ZSCAN25: variants seen among roughly 807,000 people sequenced by gnomAD.
ZSCAN25 encodes zinc finger and SCAN domain-containing protein 25.
A neutral mutation model predicts 38.7 loss-of-function variants in ZSCAN25; 27 were observed. The observed-to-expected ratio is 0.70, with a 90% CI of 0.51 to 0.96. The LOEUF is 0.96. ZSCAN25 is among the 40% of genes least tolerant of loss of function. The probability of loss-of-function intolerance (pLI) is 0.00; values close to 1 mark genes in which losing one functional copy is unlikely to be tolerated. For synonymous variants in ZSCAN25, 273 were observed against 277.7 expected, an observed-to-expected ratio of 0.98 and a Z score of 0.17; for missense variants, 637 against 705.9, an observed-to-expected ratio of 0.90 and a Z score of 1.11.
the ZSCAN25 span, chr7:99,695,639 A>G: frequency 1.1e-6 from 1 of 912,444 alleles, no homozygotes; most frequent in Non-Finnish European, 1.7e-6. Flanking sequence ...TGTTTCTGAA[A>G]GTGTAAAACC....
At chr7:99,641,718 T>TCAC in the ZSCAN25 span, among the ~76,000 whole-genome samples, 1 of 152,126 alleles carries the variant, frequency 6.6e-6, no homozygotes, top group Non-Finnish European at 1.5e-5. Context: ...AGCCTAGATG[T>TCAC]CACTCTCTTA....
the ZSCAN25 span, among the ~76,000 whole-genome samples, chr7:99,694,875 TCACAGTC>T: frequency 8.5e-5 from 13 of 152,158 alleles, no homozygotes; most frequent in Middle Eastern, 3.2e-3. Flanking sequence ...CGACCAAAGT[TCACAGTC>T]CATGTGGCAC....
At chr7:99,732,866 A>C in the ZSCAN25 span, among the ~76,000 whole-genome samples, 1 of 152,144 alleles carries the variant, frequency 6.6e-6, no homozygotes, top group African/African-American at 2.4e-5. Context: ...CAAAAGATGG[A>C]GTATTCCACA....
the ZSCAN25 span, chr7:99,731,121 T>G: frequency 6.2e-7 from 1 of 1,613,834 alleles, no homozygotes; most frequent in African/African-American, 1.3e-5. Context: ...ATTCCAAGCT[T>G]CTTAAAAAGT....
chr7:99,677,256 G>A, the ZSCAN25 span: 1 of 985,268 alleles, frequency 1.0e-6, no homozygotes. Context: ...AAGAAGAGAG[G>A]CTGAAGGAAG....
At chr7:99,715,567 C>T in the ZSCAN25 span, 3 of 987,992 alleles carry the variant, frequency 3.0e-6, no homozygotes, top group Non-Finnish European at 4.4e-6. Flanking sequence ...GATAGCTAAA[C>T]ATGTATGAGG....
chr7:99,663,647 A>G, the ZSCAN25 span: 1 of 1,015,048 alleles, frequency 9.9e-7, no homozygotes, highest in East Asian at 1.0e-4. Flanking sequence ...CAATACCAGT[A>G]AAATATATTT....
the ZSCAN25 span, chr7:99,674,577 C>T: frequency 6.2e-7 from 1 of 1,613,474 alleles, no homozygotes; most frequent in Non-Finnish European, 8.5e-7. Flanking sequence ...TGTCAAATTT[C>T]CAGAGACCCT....
At chr7:99,663,208 C>G in the ZSCAN25 span, 21 of 1,088,486 alleles carry the variant, frequency 1.9e-5, no homozygotes, top group Non-Finnish European at 2.2e-5. Context: ...ACTGCTTACC[C>G]AGGAAGAAGT....
the ZSCAN25 span, chr7:99,663,757 G>A: frequency 6.4e-4 from 780 of 1,224,314 alleles, 4 homozygotes; most frequent in African/African-American, 0.012. Flanking sequence ...TAATTGTTGT[G>A]CCTGATTTCA....
chr7:99,709,472 G>A, the ZSCAN25 span, among the ~76,000 whole-genome samples: 1 of 152,264 alleles, frequency 6.6e-6, no homozygotes, highest in East Asian at 1.9e-4. Context: ...GAAAGCAGGA[G>A]ACATTCGGGA....
chr7:99,716,160 A>G, the ZSCAN25 span, among the ~76,000 whole-genome samples: 2 of 152,198 alleles, frequency 1.3e-5, no homozygotes, highest in African/African-American at 2.4e-5. Flanking sequence ...CAAGGAGCCT[A>G]GTCATAGAAA....
the ZSCAN25 span, among the ~76,000 whole-genome samples, chr7:99,681,202 C>G: frequency 6.6e-6 from 1 of 152,206 alleles, no homozygotes; most frequent in Non-Finnish European, 1.5e-5. Flanking sequence ...ATCCATTCAT[C>G]TGTTGATGGA....
At chr7:99,708,267 T>C in the ZSCAN25 span, among the ~76,000 whole-genome samples, 30 of 152,196 alleles carry the variant, frequency 2.0e-4, no homozygotes, top group East Asian at 5.6e-3. Context: ...GGTGATGTGT[T>C]CACACTACAA....
At chr7:99,705,026 A>AG in the ZSCAN25 span, 1 of 160,896 alleles carries the variant, frequency 6.2e-6, no homozygotes, top group African/African-American at 2.4e-5. Context: ...TGTGCAGGAA[A>AG]CATCCAATAA....
At chr7:99,698,282 A>G in the ZSCAN25 span, among the ~76,000 whole-genome samples, 1 of 152,196 alleles carries the variant, frequency 6.6e-6, no homozygotes, top group Non-Finnish European at 1.5e-5. Flanking sequence ...AACATGGCAG[A>G]CCACGCACAC....
chr7:99,622,486 C>T lies in ZSCAN25; in HGVS notation c.590-63C>T, dbSNP rs902862082. 2.2e-5 allele frequency: 33 copies of T among 1,499,048 alleles called. No individual in the cohort carries two copies. In the Admixed American group the frequency reaches 2.3e-4, roughly 11 times the overall value. 92.9% of individuals were successfully genotyped at this position (1,499,048 alleles called of 1,614,324 possible). A position where few individuals can be genotyped will look rare whatever the true frequency, so the allele number is the denominator to read the frequency against. On this transcript the variant is annotated intron_variant, in intron 5 of 7. Coordinates refer to ENST00000394152, the MANE Select transcript of ZSCAN25 (RefSeq NM_145115.3). Reference sequence around the variant, plus strand: ...GCATCTGGTAGGGGACACATTTGAACGAGCTAACAGCATAACATCACTGAT... The same window carrying T: ...GCATCTGGTAGGGGACACATTTGAATGAGCTAACAGCATAACATCACTGAT...
chr7:99,665,406 A>G, the ZSCAN25 span: 1 of 1,507,932 alleles, frequency 6.6e-7, no homozygotes, highest in African/African-American at 1.4e-5. Context: ...TCCAGTCAAG[A>G]CACATAAAGA....
At chr7:99,699,429 C>G in the ZSCAN25 span, among the ~76,000 whole-genome samples, 2 of 151,904 alleles carry the variant, frequency 1.3e-5, no homozygotes, top group African/African-American at 4.8e-5. Context: ...TTGGTGTTCC[C>G]CGGTGTGTTA....
Sources: gnomAD v4.1 joint callset for allele counts (sites outside exome capture counted in the v4.1 genomes callset) on GRCh38, gnomAD v4.1.1 for gene constraint, MANE v1.5 for transcripts, NCBI Gene and HGNC (gene_info 2026-07-23, HGNC 2026-07-21) for gene names.